Variants in NME7 observed in about 807,000 individuals in gnomAD.
NME7 encodes NME/NM23 family member 7, also known as nucleoside diphosphate kinase 7.
In NME7, 41 loss-of-function variants were observed where a neutral mutation model predicts 49.1. The observed-to-expected ratio is 0.83, with a 90% CI of 0.65 to 1.08. The LOEUF is 1.08. Ranked by LOEUF, NME7 falls within the 50% of genes least tolerant of loss-of-function variation. The pLI is 0.00. For missense variants in NME7, 423 were observed against 463.4 expected (o/e 0.91, Z 0.80); for synonymous variants, 139 against 150.6 (o/e 0.92, Z 0.56).
intron 7 of NME7, among the ~76,000 whole-genome samples, chr1:169,281,457 C>T (rs1205310709): frequency 2.6e-5 from 4 of 152,128 alleles, no homozygotes; most frequent in African/African-American, 7.2e-5. Context: ...TTTCTCTTGC[C>T]TTATTGCCCT....
At chr1:169,280,836 C>T (rs1649980496) in intron 7 of NME7, among the ~76,000 whole-genome samples, 1 of 150,140 alleles carries the variant, frequency 6.7e-6, no homozygotes, top group Non-Finnish European at 1.5e-5. Flanking sequence ...GTATAAGTAC[C>T]ATGCTGTTTT....
chr1:169,171,103 T>G (rs1305008026), intron 10 of NME7, among the ~76,000 whole-genome samples: 2 of 152,230 alleles, frequency 1.3e-5, no homozygotes, highest in Admixed American at 1.3e-4. Context: ...TAGAACCTAT[T>G]CTCTATCAAA....
At chr1:169,269,300 G>T (rs1169784757) in intron 7 of NME7, among the ~76,000 whole-genome samples, 1 of 133,392 alleles carries the variant, frequency 7.5e-6, no homozygotes, top group Admixed American at 7.4e-5. Flanking sequence ...CAGTGTACTT[G>T]GTGCAATTGA....
intron 7 of NME7, chr1:169,247,162 C>CTAT: frequency 2.2e-6 from 1 of 448,910 alleles, no homozygotes; most frequent in Non-Finnish European, 4.5e-6. Context: ...CTAAGAAAAA[C>CTAT]AAAATAAAGT....
intron 7 of NME7, among the ~76,000 whole-genome samples, chr1:169,258,058 C>T (rs1416853378): frequency 7.5e-6 from 1 of 132,846 alleles, no homozygotes; most frequent in African/African-American, 2.5e-5. Flanking sequence ...AAGACATAGG[C>T]CTGGCACAGT....
At chr1:169,254,207 T>C (rs972986218) in intron 7 of NME7, among the ~76,000 whole-genome samples, 14 of 150,612 alleles carry the variant, frequency 9.3e-5, no homozygotes, top group African/African-American at 2.9e-4. Flanking sequence ...CTCTTTTTGG[T>C]TGGTAAGCTA....
At position 169,230,858 on chromosome 1, in the gene NME7, A is replaced by G. The variant is rs374288939; in HGVS notation, c.889-39T>C. On this transcript the variant is annotated intron_variant, in intron 9 of 11. Transcript: ENST00000367811. ...TATAAAAGAATGAAAAGAATTTAAC[A>G]ATTTTTAACTCTCCCCTTTTAATTG... The G allele has an allele frequency of 2.2e-5, 30 of 1,354,078 alleles. No individual in the cohort carries two copies. The African/African-American group carries it at 4.3e-4, about 19-fold the overall frequency. 83.9% of individuals were successfully genotyped at this position (1,354,078 alleles called of 1,614,324 possible). A position where few individuals can be genotyped will look rare whatever the true frequency, so the allele number is the denominator to read the frequency against.
chr1:169,213,160 A>G (rs1007215418), intron 10 of NME7, among the ~76,000 whole-genome samples: 2 of 152,212 alleles, frequency 1.3e-5, no homozygotes, highest in Non-Finnish European at 2.9e-5. Flanking sequence ...TTACTAGATC[A>G]ACGATATTTA....
chr1:169,178,994 T>C (rs1659850320), intron 10 of NME7, among the ~76,000 whole-genome samples: 1 of 152,022 alleles, frequency 6.6e-6, no homozygotes, highest in South Asian at 2.1e-4. Context: ...CTAATTTTTG[T>C]ATTTTTAGTA....
chr1:169,190,154 T>G (rs1183530219), intron 10 of NME7, among the ~76,000 whole-genome samples: 2 of 152,030 alleles, frequency 1.3e-5, no homozygotes, highest in Non-Finnish European at 1.5e-5. Context: ...TGTACAAACA[T>G]TTATGTATAA....
chr1:169,221,774 G>T (rs1343250292), intron 10 of NME7, among the ~76,000 whole-genome samples: 1 of 151,948 alleles, frequency 6.6e-6, no homozygotes, highest in Non-Finnish European at 1.5e-5. Context: ...AGTCAGGCTG[G>T]AGTGCAGTGG....
chr1:169,249,781 T>C (rs1648483995), intron 7 of NME7, among the ~76,000 whole-genome samples: 1 of 152,142 alleles, frequency 6.6e-6, no homozygotes, highest in South Asian at 2.1e-4. Context: ...GTATCCCATT[T>C]ATTGACTTGC....
At chr1:169,337,454 C>T (rs1169812552) in intron 1 of NME7, among the ~76,000 whole-genome samples, 1 of 152,192 alleles carries the variant, frequency 6.6e-6, no homozygotes. Flanking sequence ...CCCGCTCACG[C>T]CTCTCCCTCC....
rs1652666970 is a variant in NME7, at chr1:169,340,816, T to C, written c.4-16316A>G. On this transcript the variant is annotated intron_variant, in intron 1 of 11. Coordinates refer to ENST00000367811, the MANE Select transcript of NME7 (RefSeq NM_013330.5). ...TCTGTGGAGCTTTGAACTCAAAAGA[T>C]GATTTAGGGTATCTGGCAGAAGAAA... 2.6e-5 allele frequency among the ~76,000 whole-genome samples: 4 copies of C among 152,326 alleles called. No homozygotes were observed. The Middle Eastern group carries it at 0.01, about 389-fold the overall frequency.
chr1:169,201,091 T>C (rs1390524626), intron 10 of NME7, among the ~76,000 whole-genome samples: 1 of 151,970 alleles, frequency 6.6e-6, no homozygotes, highest in African/African-American at 2.4e-5. Context: ...ATGGGCCAGG[T>C]GTGGCGGCAC....
At chr1:169,226,062 A>C (rs1045375183) in intron 10 of NME7, among the ~76,000 whole-genome samples, 1 of 152,150 alleles carries the variant, frequency 6.6e-6, no homozygotes, top group Admixed American at 6.5e-5. Flanking sequence ...TAGTTCATCA[A>C]ATATTTATTG....
In NME7 at chr1:169,275,197, G is replaced by A. The variant is rs185038106; in HGVS notation, c.754+12106C>T. On this transcript the variant is annotated intron_variant, in intron 7 of 11. Transcript: ENST00000367811. ...AGGTCCTTCACGTCCCTTATAAGTC[G>A]GATTCCTACGTATTTTATTCTCTTT... is the stretch of plus-strand genomic sequence containing the variant. 1.5e-4 allele frequency among the ~76,000 whole-genome samples: 20 copies of A among 131,670 alleles called. 2 individuals are homozygous for A. In the East Asian group the frequency reaches 2.8e-3, roughly 19 times the overall value. The allele number at this position is 131,670 out of a possible 152,430, so 86.4% of individuals were successfully genotyped here.
chr1:169,155,725 TTG>T (rs1659047501), intron 11 of NME7, among the ~76,000 whole-genome samples: 1 of 152,034 alleles, frequency 6.6e-6, no homozygotes, highest in African/African-American at 2.4e-5. Context: ...AACTTTATCA[TTG>T]TGTCTATCCC....
chr1:169,303,240 AAC>A (rs1376585537), intron 4 of NME7, 45 bp from the exon 5 acceptor site: 1 of 1,014,042 alleles, frequency 9.9e-7, no homozygotes, highest in Admixed American at 2.3e-5. Flanking sequence ...TATAAAATTA[AAC>A]ACTTATTATT....
Sources: allele counts gnomAD v4.1 joint callset (sites outside exome capture counted in the v4.1 genomes callset), GRCh38; gene constraint gnomAD v4.1.1; transcripts MANE v1.5; gene names NCBI Gene and HGNC (gene_info 2026-07-23, HGNC 2026-07-21).